The following DOCK10 variants were observed in gnomAD, a reference collection of about 807,000 sequenced individuals.
The protein encoded by DOCK10 is dedicator of cytokinesis 10.
Under a neutral mutation model 280.1 loss-of-function variants are expected in DOCK10, and 145 were observed. The ratio of observed to expected loss-of-function variants is 0.52; its 90% CI spans 0.45 to 0.59. The LOEUF is 0.59. DOCK10 is among the 20% of genes least tolerant of loss of function. The pLI is 0.00. For missense variants in DOCK10, 2,368 were observed against 2,651.7 expected (o/e 0.89, Z 2.35); for synonymous variants, 915 against 942.2 (o/e 0.97, Z 0.53).
intron 29 of DOCK10, among the ~76,000 whole-genome samples, chr2:224,818,084 G>T (rs375352026): frequency 6.6e-6 from 1 of 152,170 alleles, no homozygotes; most frequent in African/African-American, 2.4e-5. Context: ...GTGTTGGGGG[G>T]AGAAAATGGC....
At chr2:225,023,989 T>A (rs1027792491) in intron 1 of DOCK10, among the ~76,000 whole-genome samples, 1 of 152,202 alleles carries the variant, frequency 6.6e-6, no homozygotes. Context: ...CAAACTGACA[T>A]GTCCCTCCTG....
At chr2:225,027,701 C>T (rs1283753346) in intron 1 of DOCK10, among the ~76,000 whole-genome samples, 1 of 152,162 alleles carries the variant, frequency 6.6e-6, no homozygotes, top group Non-Finnish European at 1.5e-5. Flanking sequence ...AAGGTCTCCC[C>T]AGAAGCAGAT....
At chr2:224,892,083 C>A (rs1004771630) in intron 4 of DOCK10, among the ~76,000 whole-genome samples, 3 of 151,984 alleles carry the variant, frequency 2.0e-5, no homozygotes, top group African/African-American at 7.3e-5. Context: ...AAGATAATTT[C>A]TCTGAGTGAA....
At position 224,805,489 on chromosome 2, in the gene DOCK10, G is replaced by A. The variant is rs1693338297; in HGVS notation, c.3855C>T (p.Asp1285=). 1.9e-6 allele frequency: 3 copies of A among 1,612,668 alleles called. No homozygotes were observed. Among genetic ancestry groups the A allele is most frequent in the Non-Finnish European group, 2.5e-6 (3 of 1,179,096 alleles). ...SIAISTVNHA[D]SRASLASLDS... is the part of the protein sequence containing the mutation. ...CAAGACTTGCTAAAGATGCTCTGGA[G>A]TCAGCATGGTTTACTGTAGAAATAG... Residue 1285 remains aspartate, a synonymous_variant, in exon 35 of 56, where the codon GAC becomes GAT. Transcript: ENST00000258390. This position sits in a 1 kb window ranked among gnomAD's most constrained non-coding sequence, Gnocchi z 4.3.
intron 3 of DOCK10, among the ~76,000 whole-genome samples, chr2:224,910,363 A>G (rs993136336): frequency 2.0e-5 from 3 of 152,180 alleles, no homozygotes; most frequent in Non-Finnish European, 2.9e-5. Flanking sequence ...AGACTCAGAG[A>G]AGTTTTCTTT....
In DOCK10 at chr2:224,765,510, T is replaced by G. The variant is rs1478358060; in HGVS notation, c.*211A>C. 1.1e-5 allele frequency: 5 copies of G among 465,504 alleles called. No individual in the cohort carries two copies. Among genetic ancestry groups the G allele is most frequent in the African/African-American group, 7.9e-5 (4 of 50,494 alleles). 28.8% of individuals were successfully genotyped at this position (465,504 alleles called of 1,614,324 possible). On this transcript the variant is annotated 3_prime_UTR_variant, in exon 56 of 56. Coordinates refer to ENST00000258390, the MANE Select transcript of DOCK10 (RefSeq NM_014689.3). ...ATTCACTGGAATTTCATGGCAAATA[T>G]TCAACCTGGCTTGATCAACACTGCT...
At chr2:225,008,651 C>T (rs1467647726) in intron 1 of DOCK10, among the ~76,000 whole-genome samples, 1 of 152,114 alleles carries the variant, frequency 6.6e-6, no homozygotes, top group African/African-American at 2.4e-5. Context: ...CCATAAATCA[C>T]AGAGTTGCTG....
chr2:224,907,644 C>A (rs147345148), intron 3 of DOCK10, among the ~76,000 whole-genome samples: 1 of 147,800 alleles, frequency 6.8e-6, no homozygotes, highest in Non-Finnish European at 1.5e-5. Context: ...GCTGAGATTG[C>A]GCCACTGCAC....
intron 2 of DOCK10, among the ~76,000 whole-genome samples, chr2:224,924,776 C>G (rs1318926243): frequency 6.6e-6 from 1 of 152,206 alleles, no homozygotes; most frequent in Admixed American, 6.5e-5. Context: ...TGTTTCACTA[C>G]AGTACTTATT....
chr2:224,784,509 G>A (rs1691596179), intron 50 of DOCK10, among the ~76,000 whole-genome samples: 1 of 152,182 alleles, frequency 6.6e-6, no homozygotes, highest in Non-Finnish European at 1.5e-5. Context: ...CAGAAAGCAT[G>A]TATGAAAAAC....
At chr2:224,783,526 G>A (rs1156401904) in intron 50 of DOCK10, among the ~76,000 whole-genome samples, 2 of 151,846 alleles carry the variant, frequency 1.3e-5, no homozygotes, top group Non-Finnish European at 2.9e-5. Flanking sequence ...TGCCCACCTC[G>A]GCCTCCCAAA....
chr2:224,994,113 A>G (rs1706202626), intron 1 of DOCK10, among the ~76,000 whole-genome samples: 1 of 152,232 alleles, frequency 6.6e-6, no homozygotes, highest in East Asian at 1.9e-4. Flanking sequence ...CATTTAATAT[A>G]TAAGATTTTT....
intron 3 of DOCK10, among the ~76,000 whole-genome samples, chr2:224,907,957 A>G (rs1270758484): frequency 6.6e-6 from 1 of 152,336 alleles, no homozygotes; most frequent in East Asian, 1.9e-4. Context: ...GAATTTCTAC[A>G]TGGTCAAATA....
In DOCK10 at chr2:225,018,418, T is replaced by C. The variant is rs533597035; in HGVS notation, c.123+23834A>G. Among the ~76,000 whole-genome samples, 90 of 150,586 alleles carry C rather than the reference T, an allele frequency of 6.0e-4. No homozygotes were observed. In the South Asian group the frequency reaches 0.018, roughly 30 times the overall value. On this transcript the variant is annotated intron_variant, in intron 1 of 55. Transcript: ENST00000258390. ...TTCCTAGGACAGAACATTCAGTTGA[T>C]TTCACAGAAGGCAACAAGTTGCAGA...
chr2:224,928,995 C>T (rs949470051), intron 2 of DOCK10, among the ~76,000 whole-genome samples: 2 of 152,234 alleles, frequency 1.3e-5, no homozygotes, highest in African/African-American at 4.8e-5. Context: ...GCACCAGCTA[C>T]CCCTTTAGCC....
At chr2:224,945,078 G>A (rs896905543) in intron 1 of DOCK10, among the ~76,000 whole-genome samples, 1 of 152,062 alleles carries the variant, frequency 6.6e-6, no homozygotes, top group Admixed American at 6.6e-5. Flanking sequence ...GAGTGGTCTC[G>A]GTAAGATAGA....
chr2:224,929,877 T>C (rs1341561857), intron 2 of DOCK10, among the ~76,000 whole-genome samples: 1 of 152,024 alleles, frequency 6.6e-6, no homozygotes, highest in East Asian at 1.9e-4. Context: ...TGCTCCTGGA[T>C]TCATGATTTT....
intron 25 of DOCK10, among the ~76,000 whole-genome samples, chr2:224,837,232 C>T (rs748246498): frequency 2.1e-4 from 32 of 152,232 alleles, no homozygotes; most frequent in South Asian, 8.3e-4. Context: ...GAACACTTGA[C>T]GTAGGACACT....
intron 1 of DOCK10, among the ~76,000 whole-genome samples, chr2:225,007,263 A>G (rs1168873743): frequency 6.6e-6 from 1 of 152,204 alleles, no homozygotes; most frequent in Non-Finnish European, 1.5e-5. Context: ...GAACTCTGAG[A>G]TGTTTTTGTA....
Sources: allele counts gnomAD v4.1 joint callset (sites outside exome capture counted in the v4.1 genomes callset), GRCh38; gene constraint gnomAD v4.1.1; non-coding constraint Gnocchi (gnomAD v3.1); transcripts MANE v1.5; gene names NCBI Gene and HGNC (gene_info 2026-07-23, HGNC 2026-07-21).